Variants in ZBTB46 observed in about 807,000 individuals in gnomAD.
ZBTB46 encodes zinc finger and BTB domain containing 46, also known as zinc finger and BTB domain-containing protein 46.
ZBTB46 carries 8 observed loss-of-function variants against 44.1 expected under a neutral mutation model. The observed-to-expected ratio is 0.18, with a 90% CI of 0.11 to 0.33. The LOEUF is 0.33. Ranked by LOEUF, ZBTB46 falls within the 10% of genes least tolerant of loss-of-function variation. The pLI is 1.00. For missense variants in ZBTB46, 651 were observed against 847.7 expected (o/e 0.77, Z 2.88); for synonymous variants, 409 against 382.3 (o/e 1.07, Z -0.81).
At chr20:63,830,778 G>A (rs1351439379) in intron 1 of ZBTB46, among the ~76,000 whole-genome samples, 2 of 144,542 alleles carry the variant, frequency 1.4e-5, no homozygotes, top group African/African-American at 5.0e-5. Context: ...AGGGGCCGGG[G>A]CAGCCCAGCC....
chr20:63,751,083 A>AT (rs894346088), intron 4 of ZBTB46, among the ~76,000 whole-genome samples: 1 of 152,126 alleles, frequency 6.6e-6, no homozygotes, highest in African/African-American at 2.4e-5. Flanking sequence ...ACAAGATGCG[A>AT]TTTTCTCTGA....
Position 63,803,053 on chromosome 20 carries a change from A to G in ZBTB46, c.-33-12263T>C, listed in dbSNP as rs2092659457. ...ATGCCACAGACGCCAACAGGAGGAA[A>G]CACGTTTCTGGGCAGCTCTGCCCAC... On this transcript the variant is annotated intron_variant, in intron 1 of 4. Transcript: ENST00000245663. This position sits in a 1 kb window ranked among gnomAD's most constrained non-coding sequence, Gnocchi z 4.0. Among the ~76,000 whole-genome samples the G allele has an allele frequency of 6.6e-6, 1 of 152,288 alleles. No homozygotes were observed. Among genetic ancestry groups the G allele is most frequent in the East Asian group, 1.9e-4 (1 of 5,170 alleles).
intron 3 of ZBTB46, 143 bp from the exon 4 acceptor site, chr20:63,753,004 G>C: frequency 1.2e-6 from 1 of 834,430 alleles, no homozygotes; most frequent in Non-Finnish European, 1.8e-6. Flanking sequence ...TCAGCACTGC[G>C]ACAGGCCAGG....
At chr20:63,801,646 A>C (rs2092646502) in intron 1 of ZBTB46, among the ~76,000 whole-genome samples, 2 of 152,056 alleles carry the variant, frequency 1.3e-5, no homozygotes, top group African/African-American at 2.4e-5. Context: ...CTGCAGCTTC[A>C]CTCCTGAAGC....
intron 1 of ZBTB46, among the ~76,000 whole-genome samples, chr20:63,827,183 A>C (rs1034592121): frequency 2.6e-5 from 4 of 151,446 alleles, no homozygotes; most frequent in Admixed American, 6.6e-5. Flanking sequence ...CCCCCAACCC[A>C]CCTCCGTGGG....
intron 1 of ZBTB46, among the ~76,000 whole-genome samples, chr20:63,808,943 C>G (rs6010662): frequency 0.1 from 14,759 of 143,276 alleles, 1,223 homozygotes; most frequent in African/African-American, 0.23. Context: ...CGCCACTGCA[C>G]TCCAGCCTGG....
At chr20:63,779,448 C>G (rs2092451871) in intron 2 of ZBTB46, among the ~76,000 whole-genome samples, 1 of 112,816 alleles carries the variant, frequency 8.9e-6, no homozygotes, top group South Asian at 2.9e-4. Context: ...GAGACGGAGT[C>G]TTGCTCTGTC....
intron 2 of ZBTB46, among the ~76,000 whole-genome samples, chr20:63,786,725 T>C (rs1229101903): frequency 6.6e-6 from 1 of 152,184 alleles, no homozygotes; most frequent in East Asian, 1.9e-4. Context: ...TTGGCCACGA[T>C]GGTCTCGATC....
intron 3 of ZBTB46, among the ~76,000 whole-genome samples, chr20:63,758,212 C>T (rs1380397948): frequency 6.8e-6 from 1 of 146,088 alleles, no homozygotes; most frequent in Non-Finnish European, 1.5e-5. Flanking sequence ...CCAGAGCTCA[C>T]ACTCCCTCCT....
intron 4 of ZBTB46, among the ~76,000 whole-genome samples, chr20:63,749,814 C>T (rs1322470027): frequency 6.6e-6 from 1 of 152,184 alleles, no homozygotes; most frequent in African/African-American, 2.4e-5. Flanking sequence ...GGCCAGGGCA[C>T]CTGAGGAGGC....
chr20:63,766,647 C>G (rs1380674651), intron 3 of ZBTB46, among the ~76,000 whole-genome samples: 1 of 152,206 alleles, frequency 6.6e-6, no homozygotes, highest in East Asian at 1.9e-4. Context: ...GGACTGCTCT[C>G]CCGACCCTCA....
At chr20:63,756,408 G>A (rs1332000592) in intron 3 of ZBTB46, among the ~76,000 whole-genome samples, 1 of 152,166 alleles carries the variant, frequency 6.6e-6, no homozygotes, top group East Asian at 1.9e-4. Flanking sequence ...ATATTGAATT[G>A]GTCTGGATAT....
intron 4 of ZBTB46, among the ~76,000 whole-genome samples, chr20:63,749,602 C>T (rs543162714): frequency 6.6e-6 from 1 of 152,372 alleles, no homozygotes; most frequent in Admixed American, 6.5e-5. Context: ...TCCCAAAGTG[C>T]TGGGATTACA....
In ZBTB46 at chr20:63,806,496, C is replaced by T. The variant is rs111812461; in HGVS notation, c.-33-15706G>A. 8.0e-3 allele frequency among the ~76,000 whole-genome samples: 1,217 copies of T among 151,792 alleles called. 11 individuals are homozygous for T. Among genetic ancestry groups the T allele is most frequent in the African/African-American group, 0.026 (1,077 of 41,420 alleles). On this transcript the variant is annotated intron_variant, in intron 1 of 4. Transcript: ENST00000245663. ...TGTACATTTTAAATCTGAGATACTG[C>T]TATGGCTAACTCTGACCTGAAATGG...
rs376500037 is a variant in ZBTB46 at position 63,753,602 on chromosome 20, A to T, written c.1223-741T>A. Among the ~76,000 whole-genome samples, 3 of 152,206 alleles carry T rather than the reference A, an allele frequency of 2.0e-5. No individual in the cohort carries two copies. In the East Asian group the frequency reaches 5.8e-4, roughly 29 times the overall value. ...GGCATGGGCCACTGAGAGAGCCCGG[A>T]GCAGCCACGTCCACGGGACCCTACG... On this transcript the variant is annotated intron_variant, in intron 3 of 4. Transcript: ENST00000245663.
At chr20:63,784,024 A>G (rs1369353793) in intron 2 of ZBTB46, among the ~76,000 whole-genome samples, 1 of 152,200 alleles carries the variant, frequency 6.6e-6, no homozygotes, top group Non-Finnish European at 1.5e-5. Context: ...ACGTAACCTC[A>G]GAGGTAACTC....
At chr20:63,747,460 G>GAA (rs1261937433) in intron 4 of ZBTB46, among the ~76,000 whole-genome samples, 159 bp from the exon 5 acceptor site, 12 of 69,278 alleles carry the variant, frequency 1.7e-4, no homozygotes, top group African/African-American at 3.8e-4. Flanking sequence ...GTGGAGGTGG[G>GAA]GGGGGCGGGG....
intron 3 of ZBTB46, among the ~76,000 whole-genome samples, chr20:63,760,709 G>A (rs1484796548): frequency 3.3e-5 from 5 of 151,934 alleles, no homozygotes; most frequent in Admixed American, 2.6e-4. Context: ...CGCCTGCCTC[G>A]GCCTCTCAAA....
At chr20:63,764,422 C>T (rs993572786) in intron 3 of ZBTB46, among the ~76,000 whole-genome samples, 45 of 150,648 alleles carry the variant, frequency 3.0e-4, no homozygotes, top group Non-Finnish European at 5.3e-4. Context: ...GGTGACTGAG[C>T]GAGGCCCTGT....
Sources: gnomAD v4.1 joint callset for allele counts (sites outside exome capture counted in the v4.1 genomes callset) on GRCh38, gnomAD v4.1.1 for gene constraint, Gnocchi (gnomAD v3.1) non-coding constraint, MANE v1.5 for transcripts, NCBI Gene and HGNC (gene_info 2026-07-23, HGNC 2026-07-21) for gene names.